ADGRG6: variants seen among roughly 807,000 people sequenced by gnomAD.
ADGRG6 encodes the protein G-protein coupled receptor 126.
ADGRG6 carries 84 observed loss-of-function variants against 142.4 expected under a neutral mutation model. The observed-to-expected ratio is 0.59, with a 90% CI of 0.49 to 0.71. The LOEUF (loss-of-function observed/expected upper bound fraction) is 0.71, where lower values mean the gene tolerates loss of function less well. ADGRG6 is among the 30% of genes least tolerant of loss of function. ADGRG6 has a pLI of 0.00. For missense variants in ADGRG6, 1,367 were observed against 1,466.6 expected (o/e 0.93, Z 1.11); for synonymous variants, 521 against 520.5 (o/e 1.00, Z -0.01).
At chr6:142,405,245 T>C in intron 14 of ADGRG6, 1 of 410,476 alleles carries the variant, frequency 2.4e-6, no homozygotes, top group Admixed American at 2.9e-5. Context: ...GGAAAAATGC[T>C]ATCTGAGAGT....
At chr6:142,401,909 G>A in intron 11 of ADGRG6, 85 bp from the exon 12 acceptor site, 1 of 652,906 alleles carries the variant, frequency 1.5e-6, no homozygotes, top group South Asian at 1.9e-5. Flanking sequence ...TGTAATAAAT[G>A]TATATATCAT....
chr6:142,392,793 C>T (rs1774964261), intron 7 of ADGRG6, among the ~76,000 whole-genome samples, 155 bp from the exon 8 acceptor site: 1 of 152,020 alleles, frequency 6.6e-6, no homozygotes, highest in South Asian at 2.1e-4. Context: ...GATCCATTAA[C>T]TGTTACAATG....
intron 1 of ADGRG6, among the ~76,000 whole-genome samples, chr6:142,308,005 G>A (rs1352477494): frequency 6.6e-6 from 1 of 151,944 alleles, no homozygotes; most frequent in Non-Finnish European, 1.5e-5. Flanking sequence ...GATCCCAGAA[G>A]TGACCACAAA....
At chr6:142,383,342 A>G (rs961170189) in intron 5 of ADGRG6, among the ~76,000 whole-genome samples, 5 of 152,178 alleles carry the variant, frequency 3.3e-5, no homozygotes, top group African/African-American at 1.2e-4. Context: ...GTATTAGGCA[A>G]ACTTAGTTTA....
At chr6:142,395,834 A>T (rs1033535443) in intron 9 of ADGRG6, among the ~76,000 whole-genome samples, 7 of 151,990 alleles carry the variant, frequency 4.6e-5, no homozygotes, top group South Asian at 2.1e-4. Context: ...ATTGTTTTTT[A>T]AAAAAACTTT....
rs753576309 is a variant in ADGRG6, at chr6:142,402,829, G to A, written c.1954G>A (p.Glu652Lys). The change falls in exon 13 of 25, where the codon GAA becomes AAA. Residue 652 changes from glutamate to lysine, a missense_variant and splice_region_variant. By Grantham distance (56) the Glu-to-Lys change is moderately conservative. Coordinates refer to ENST00000367609, the MANE Select transcript of ADGRG6 (RefSeq NM_198569.3). ...SDSDLLESSS[E>K]ALKTIDELAF... is the part of the protein sequence containing the mutation. ...CAGTGACTTGCTTGAGTCATCTTCT[G>A]AGTAAGTATTTTTTTTTTCCTGGAG... 6.6e-7 allele frequency: 1 copy of A among 1,525,152 alleles called. No individual in the cohort carries two copies. Among genetic ancestry groups the A allele is most frequent in the East Asian group, 2.3e-5 (1 of 43,750 alleles). 94.5% of individuals were successfully genotyped at this position (1,525,152 alleles called of 1,614,324 possible). A position where few individuals can be genotyped will look rare whatever the true frequency, so the allele number is the denominator to read the frequency against.
chr6:142,394,321 A>G (rs978441235), intron 9 of ADGRG6, among the ~76,000 whole-genome samples: 1 of 152,168 alleles, frequency 6.6e-6, no homozygotes. Context: ...ATCTAATAAT[A>G]TGGATAATAG....
chr6:142,427,934 G>A (rs1056339440), intron 22 of ADGRG6, among the ~76,000 whole-genome samples: 5 of 152,274 alleles, frequency 3.3e-5, no homozygotes, highest in South Asian at 2.1e-4. Context: ...TTCCTCTCAC[G>A]GTGTGTGAGA....
intron 1 of ADGRG6, chr6:142,302,544 T>A (rs558322075): frequency 2.2e-5 from 12 of 533,902 alleles, no homozygotes; most frequent in African/African-American, 2.1e-4. Context: ...TGTGTGTGGC[T>A]GTTTTTTTTC....
chr6:142,366,420 A>T (rs1780943182), intron 2 of ADGRG6, among the ~76,000 whole-genome samples: 1 of 152,174 alleles, frequency 6.6e-6, no homozygotes, highest in African/African-American at 2.4e-5. Flanking sequence ...TAGCATGCTC[A>T]TGGCATGCTC....
rs1350352940 is a variant in ADGRG6, at chr6:142,393,882, A to G, written c.1362-14A>G. The stretch of plus-strand genomic sequence containing the variant: ...GTGAGGTGGATTAATGAATATATGT[A>G]TTTGTGTTTTTAGTTTTCACCTGAG... On this transcript the variant is annotated splice_polypyrimidine_tract_variant and intron_variant, in intron 8 of 24. Coordinates refer to ENST00000367609, the MANE Select transcript of ADGRG6 (RefSeq NM_198569.3). The G allele has an allele frequency of 4.7e-6, 7 of 1,501,132 alleles. No homozygotes were observed. 93.0% of individuals were successfully genotyped at this position (1,501,132 alleles called of 1,614,324 possible).
intron 1 of ADGRG6, among the ~76,000 whole-genome samples, chr6:142,306,027 A>G (rs9389982): frequency 0.11 from 16,272 of 152,194 alleles, 1,711 homozygotes; most frequent in East Asian, 0.62. Context: ...GAATTAAGGT[A>G]TTTTCTCTGC....
At chr6:142,385,987 AT>A (rs1466712411) in intron 6 of ADGRG6, among the ~76,000 whole-genome samples, 1 of 152,158 alleles carries the variant, frequency 6.6e-6, no homozygotes, top group Non-Finnish European at 1.5e-5. Flanking sequence ...CTATTATCTA[AT>A]TTGTCCATTC....
chr6:142,420,181 T>A, intron 22 of ADGRG6, 77 bp downstream of exon 22: 2 of 1,122,834 alleles, frequency 1.8e-6, no homozygotes, highest in South Asian at 2.9e-5. Context: ...TTTGGACAGA[T>A]GCCATGTTAA....
At chr6:142,320,968 CAT>C (rs1464462207) in intron 2 of ADGRG6, among the ~76,000 whole-genome samples, 2 of 151,638 alleles carry the variant, frequency 1.3e-5, no homozygotes, top group Non-Finnish European at 2.9e-5. Flanking sequence ...TGTAACAACA[CAT>C]ATAGATTCTC....
At chr6:142,421,127 A>G (rs1776635702) in intron 22 of ADGRG6, among the ~76,000 whole-genome samples, 1 of 152,166 alleles carries the variant, frequency 6.6e-6, no homozygotes, top group African/African-American at 2.4e-5. Context: ...GTCTGTAGTT[A>G]TCTGCAGGGG....
chr6:142,371,000 C>A, intron 4 of ADGRG6: 1 of 545,050 alleles, frequency 1.8e-6, no homozygotes, highest in Non-Finnish European at 3.2e-6. Context: ...TGATTATAAG[C>A]CATGCATGCT....
chr6:142,438,336 C>T lies in ADGRG6; in HGVS notation c.3546C>T (p.Thr1182=). The T allele has an allele frequency of 6.2e-7, 1 of 1,608,964 alleles. No individual in the cohort carries two copies. The change falls in exon 24 of 25, where the codon ACC becomes ACT. Residue 1182 remains threonine, a synonymous_variant. Coordinates refer to ENST00000367609, the MANE Select transcript of ADGRG6 (RefSeq NM_198569.3). ...YLTSKSKSSS[T]TYFKRNSHTD... is the part of the protein sequence containing the mutation. ...CATCCAAATCTAAATCCAGCTCTAC[C>T]ACCTATTTCAAAAGGAATAGCCACA... is the stretch of plus-strand genomic sequence containing the variant.
At chr6:142,400,451 A>C (rs1432700173) in intron 10 of ADGRG6, 34 bp from the exon 11 acceptor site, 2 of 1,009,416 alleles carry the variant, frequency 2.0e-6, no homozygotes, top group Admixed American at 3.6e-5. Context: ...AAAATAGGTG[A>C]ATATTTCTCA....
Sources: allele counts gnomAD v4.1 joint callset (sites outside exome capture counted in the v4.1 genomes callset), GRCh38; gene constraint gnomAD v4.1.1; transcripts MANE v1.5; gene names NCBI Gene and HGNC (gene_info 2026-07-23, HGNC 2026-07-21).